Variants in C7orf78 observed in about 807,000 individuals in gnomAD.
C7orf78 encodes the protein chromosome 7 open reading frame 78.
the C7orf78 span, among the ~76,000 whole-genome samples, chr7:12,494,843 C>T: frequency 6.6e-6 from 1 of 152,166 alleles, no homozygotes; most frequent in Non-Finnish European, 1.5e-5. Context: ...TCAAACTCAA[C>T]CTACCACTGA....
chr7:12,501,006 A>G, the C7orf78 span, among the ~76,000 whole-genome samples: 8 of 151,814 alleles, frequency 5.3e-5, no homozygotes, highest in South Asian at 1.0e-3. Flanking sequence ...TAGATGCAGA[A>G]AAGGCCTTTG....
chr7:12,529,220 T>C, the C7orf78 span, among the ~76,000 whole-genome samples: 2 of 152,206 alleles, frequency 1.3e-5, no homozygotes, highest in African/African-American at 4.8e-5. Context: ...ATCTAGAACT[T>C]TGGATTTTCT....
the C7orf78 span, among the ~76,000 whole-genome samples, chr7:12,487,783 A>T: frequency 6.6e-6 from 1 of 152,044 alleles, no homozygotes; most frequent in Non-Finnish European, 1.5e-5. Context: ...CCTTTAAGTG[A>T]CCTATAAAGT....
chr7:12,495,109 C>T, the C7orf78 span, among the ~76,000 whole-genome samples: 4 of 152,192 alleles, frequency 2.6e-5, no homozygotes, highest in Non-Finnish European at 5.9e-5. Context: ...CCAAAATGTT[C>T]ACCCACCATG....
At chr7:12,521,792 T>C in the C7orf78 span, among the ~76,000 whole-genome samples, 1 of 151,966 alleles carries the variant, frequency 6.6e-6, no homozygotes, top group African/African-American at 2.4e-5. Context: ...CCCTCTTGGA[T>C]GAATTTAAAA....
At chr7:12,492,889 A>T in the C7orf78 span, among the ~76,000 whole-genome samples, 1 of 152,182 alleles carries the variant, frequency 6.6e-6, no homozygotes, top group Admixed American at 6.5e-5. Context: ...ATCTGACATC[A>T]CTTAGGATAT....
the C7orf78 span, among the ~76,000 whole-genome samples, chr7:12,514,351 C>G: frequency 6.6e-6 from 1 of 151,838 alleles, no homozygotes; most frequent in East Asian, 1.9e-4. Context: ...TCTGTTTTAT[C>G]TGATATAAGT....
chr7:12,520,827 G>T, the C7orf78 span, among the ~76,000 whole-genome samples: 2 of 152,014 alleles, frequency 1.3e-5, no homozygotes, highest in Admixed American at 1.3e-4. Flanking sequence ...GAGTTTTGAG[G>T]TCCCTTACTA....
chr7:12,532,557 A>G, the C7orf78 span, among the ~76,000 whole-genome samples: 1 of 151,582 alleles, frequency 6.6e-6, no homozygotes, highest in African/African-American at 2.4e-5. Flanking sequence ...TCAAAAAAAA[A>G]AAAAAGAAAA....
At chr7:12,519,742 C>G in the C7orf78 span, among the ~76,000 whole-genome samples, 1 of 152,186 alleles carries the variant, frequency 6.6e-6, no homozygotes, top group African/African-American at 2.4e-5. Flanking sequence ...CTCTGTTGGA[C>G]TAAAGTACTG....
the C7orf78 span, chr7:12,483,994 T>A: frequency 6.6e-6 from 1 of 152,098 alleles, no homozygotes; most frequent in African/African-American, 2.4e-5. Context: ...GAGTCTGGAG[T>A]GTCTCCTGAA....
the C7orf78 span, among the ~76,000 whole-genome samples, chr7:12,512,343 T>C: frequency 6.6e-6 from 1 of 152,184 alleles, no homozygotes. Context: ...ATGGCTTTTA[T>C]TATATTGAGA....
the C7orf78 span, among the ~76,000 whole-genome samples, chr7:12,538,146 C>T: frequency 1.8e-4 from 27 of 152,188 alleles, no homozygotes; most frequent in South Asian, 1.0e-3. Flanking sequence ...CACTATTATA[C>T]GTACATGTAA....
chr7:12,489,059 T>A, the C7orf78 span, among the ~76,000 whole-genome samples: 3 of 152,086 alleles, frequency 2.0e-5, no homozygotes, highest in Admixed American at 6.6e-5. Flanking sequence ...GTGAAGATAT[T>A]TGCAATATAA....
chr7:12,516,896 T>A, the C7orf78 span, among the ~76,000 whole-genome samples: 54,823 of 152,074 alleles, frequency 0.36, 10,307 homozygotes, highest in Admixed American at 0.49. Context: ...CTTTTGATTT[T>A]ACAGGCTCAT....
At chr7:12,518,467 C>T in the C7orf78 span, among the ~76,000 whole-genome samples, 1 of 152,096 alleles carries the variant, frequency 6.6e-6, no homozygotes, top group Non-Finnish European at 1.5e-5. Context: ...AGATGACTGT[C>T]TTATTCCTGA....
chr7:12,488,294 A>C, the C7orf78 span, among the ~76,000 whole-genome samples: 1 of 152,086 alleles, frequency 6.6e-6, no homozygotes, highest in Non-Finnish European at 1.5e-5. Flanking sequence ...ACTTCAAGAC[A>C]GTACAACTCA....
chr7:12,526,146 G>A, the C7orf78 span, among the ~76,000 whole-genome samples: 1 of 152,050 alleles, frequency 6.6e-6, no homozygotes, highest in Non-Finnish European at 1.5e-5. Flanking sequence ...AATAAATAGA[G>A]TGTAATGCTT....
At chr7:12,486,588 AT>A in the C7orf78 span, among the ~76,000 whole-genome samples, 1 of 152,058 alleles carries the variant, frequency 6.6e-6, no homozygotes, top group African/African-American at 2.4e-5. Context: ...TTAAACAGTG[AT>A]TTTTTTCCAT....
Sources: allele counts gnomAD v4.1 joint callset (sites outside exome capture counted in the v4.1 genomes callset), GRCh38; gene constraint gnomAD v4.1.1; transcripts MANE v1.5; gene names NCBI Gene and HGNC (gene_info 2026-07-23, HGNC 2026-07-21).